The following HSD17B12 variants were observed in gnomAD, a reference collection of about 807,000 sequenced individuals.
HSD17B12 encodes the protein hydroxysteroid 17-beta dehydrogenase 12.
In HSD17B12, 32 loss-of-function variants were observed where a neutral mutation model predicts 39.3. That is an observed-to-expected ratio of 0.81 (90% CI 0.61 to 1.09). The LOEUF (loss-of-function observed/expected upper bound fraction) is 1.09. Ranked by LOEUF, HSD17B12 falls within the 50% of genes least tolerant of loss-of-function variation. The probability of loss-of-function intolerance (pLI) is 0.00; values close to 1 mark genes in which losing one functional copy is unlikely to be tolerated. For missense variants in HSD17B12, 342 were observed against 382.9 expected (o/e 0.89, Z 0.89); for synonymous variants, 150 against 146.7 (o/e 1.02, Z -0.16).
intron 6 of HSD17B12, among the ~76,000 whole-genome samples, chr11:43,827,164 T>G (rs557500731): frequency 1.3e-5 from 2 of 152,284 alleles, no homozygotes; most frequent in East Asian, 3.9e-4. Context: ...TCCAGGGGCT[T>G]TGCCTGGATT....
chr11:43,804,019 G>A (rs908926960), intron 4 of HSD17B12, among the ~76,000 whole-genome samples: 3 of 152,118 alleles, frequency 2.0e-5, no homozygotes, highest in Non-Finnish European at 4.4e-5. Flanking sequence ...TCAGGGAGGC[G>A]TAATTTACCA....
At chr11:43,590,450 A>G in the HSD17B12 span, among the ~76,000 whole-genome samples, 2 of 148,754 alleles carry the variant, frequency 1.3e-5, no homozygotes, top group African/African-American at 4.9e-5. Context: ...AAAAAAAAAA[A>G]AAAAAAAATC....
At chr11:43,815,123 A>G (rs1460491229) in intron 4 of HSD17B12, among the ~76,000 whole-genome samples, 1 of 152,192 alleles carries the variant, frequency 6.6e-6, no homozygotes, top group East Asian at 1.9e-4. Context: ...GAGTTAAGTA[A>G]TATCTCCAAA....
At chr11:43,755,113 T>G (rs549850860) in intron 3 of HSD17B12, 1 of 370,388 alleles carries the variant, frequency 2.7e-6, no homozygotes, top group Non-Finnish European at 4.8e-6. Context: ...TCCAAACTTA[T>G]GTTGGGTATA....
chr11:43,781,015 T>C (rs1283970463), intron 3 of HSD17B12, among the ~76,000 whole-genome samples: 1 of 152,158 alleles, frequency 6.6e-6, no homozygotes, highest in Admixed American at 6.5e-5. Context: ...TATAACTCCT[T>C]CTCCTCAAAC....
the HSD17B12 span, among the ~76,000 whole-genome samples, chr11:43,631,952 T>A: frequency 3.9e-5 from 6 of 151,994 alleles, no homozygotes; most frequent in Non-Finnish European, 8.8e-5. Context: ...CACACCTGGG[T>A]TGGAGAGGGC....
the HSD17B12 span, among the ~76,000 whole-genome samples, chr11:43,619,263 A>T: frequency 2.1e-4 from 24 of 116,978 alleles, no homozygotes; most frequent in African/African-American, 2.9e-4. Context: ...TATATATTTT[A>T]TATATATATG....
intron 1 of HSD17B12, among the ~76,000 whole-genome samples, chr11:43,709,210 C>T (rs190876389): frequency 6.6e-6 from 1 of 152,316 alleles, no homozygotes; most frequent in African/African-American, 2.4e-5. Context: ...ACTGCAACCT[C>T]TGCCTCCCAG....
chr11:43,816,420 C>T lies in HSD17B12; in HGVS notation c.501+29C>T, dbSNP rs201541737. 36 of 1,502,704 alleles carry T rather than the reference C, an allele frequency of 2.4e-5. No individual in the cohort carries two copies. In the East Asian group the frequency reaches 7.8e-4, roughly 32 times the overall value. The allele number at this position is 1,502,704 out of a possible 1,614,324, so 93.1% of individuals were successfully genotyped here. Reference sequence around the variant, plus strand: ...AGCATCCTTGTTATAAAGATGTCATCCTTTTTTGGTTCCTTCTATTCAAAA... The same window carrying T: ...AGCATCCTTGTTATAAAGATGTCATTCTTTTTTGGTTCCTTCTATTCAAAA... On this transcript the variant is annotated intron_variant, in intron 6 of 10. Transcript: ENST00000278353.
intron 1 of HSD17B12, among the ~76,000 whole-genome samples, chr11:43,748,288 G>C (rs1213466257): frequency 6.6e-6 from 1 of 152,074 alleles, no homozygotes; most frequent in Non-Finnish European, 1.5e-5. Context: ...CCATGAAAAA[G>C]AATAAAATCA....
At chr11:43,802,771 A>G (rs1031831480) in intron 4 of HSD17B12, among the ~76,000 whole-genome samples, 4 of 152,230 alleles carry the variant, frequency 2.6e-5, no homozygotes, top group Non-Finnish European at 5.9e-5. Flanking sequence ...AGCCTTCCAC[A>G]GCAAAGAATG....
the HSD17B12 span, among the ~76,000 whole-genome samples, chr11:43,584,357 G>A: frequency 2.0e-5 from 3 of 152,184 alleles, no homozygotes; most frequent in Non-Finnish European, 4.4e-5. Flanking sequence ...AAACTAGAAG[G>A]CTTTGTGGGC....
At chr11:43,697,212 T>G (rs1289395905) in intron 1 of HSD17B12, among the ~76,000 whole-genome samples, 1 of 152,148 alleles carries the variant, frequency 6.6e-6, no homozygotes, top group Admixed American at 6.5e-5. Context: ...ATGGTCTCTA[T>G]CTCTGCTGGT....
chr11:43,589,186 T>C, the HSD17B12 span, among the ~76,000 whole-genome samples: 6 of 152,288 alleles, frequency 3.9e-5, no homozygotes, highest in African/African-American at 1.4e-4. Flanking sequence ...TTTTCCCGCA[T>C]ATTTAATCTT....
the HSD17B12 span, among the ~76,000 whole-genome samples, chr11:43,582,420 GCACAAA>G: frequency 6.6e-6 from 1 of 152,156 alleles, no homozygotes; most frequent in Admixed American, 6.5e-5. Context: ...GTCACAAGTG[GCACAAA>G]TCAGGCCTTC....
intron 3 of HSD17B12, among the ~76,000 whole-genome samples, chr11:43,771,863 T>C (rs1208542135): frequency 2.0e-5 from 3 of 152,166 alleles, no homozygotes; most frequent in Non-Finnish European, 4.4e-5. Flanking sequence ...CAAGATCATA[T>C]TACAAATATG....
chr11:43,799,169 A>G (rs10838173), intron 4 of HSD17B12, among the ~76,000 whole-genome samples: 54,544 of 151,760 alleles, frequency 0.36, 10,535 homozygotes, highest in East Asian at 0.68. Flanking sequence ...TCTAACTCTC[A>G]TGAAATTTTA....
chr11:43,690,373 TATATATATATATA>T (rs1949843571), intron 1 of HSD17B12, among the ~76,000 whole-genome samples: 7 of 14,204 alleles, frequency 4.9e-4, no homozygotes, highest in Non-Finnish European at 6.7e-4. Flanking sequence ...TATATATATA[TATATATATATATA>T]TATATATATA....
chr11:43,685,885 A>G (rs1949793446), intron 1 of HSD17B12, among the ~76,000 whole-genome samples: 1 of 152,244 alleles, frequency 6.6e-6, no homozygotes, highest in Admixed American at 6.5e-5. Context: ...ACAGTTTCAA[A>G]TTTGCACATT....
Sources: allele counts gnomAD v4.1 joint callset (sites outside exome capture counted in the v4.1 genomes callset), GRCh38; gene constraint gnomAD v4.1.1; transcripts MANE v1.5; gene names NCBI Gene and HGNC (gene_info 2026-07-23, HGNC 2026-07-21).